Variants in PCCA observed in about 807,000 individuals in gnomAD.
The protein encoded by PCCA is propionyl-CoA carboxylase subunit alpha.
PCCA carries 74 observed loss-of-function variants against 101.3 expected under a neutral mutation model. The ratio of observed to expected loss-of-function variants is 0.73; its 90% confidence interval spans 0.61 to 0.89. The LOEUF is 0.89. PCCA is among the 40% of genes least tolerant of loss of function. The probability of loss-of-function intolerance (pLI) is 0.00; values close to 1 mark genes in which losing one functional copy is unlikely to be tolerated. For synonymous variants in PCCA, 294 were observed against 313.6 expected (o/e 0.94, Z 0.66); for missense variants, 891 against 907.0 (o/e 0.98, Z 0.23).
chr13:100,512,363 C>A (rs12100240), intron 21 of PCCA, among the ~76,000 whole-genome samples: 44,068 of 152,108 alleles, frequency 0.29, 6,752 homozygotes, highest in Middle Eastern at 0.4. Context: ...TCATTCAGTC[C>A]TTAGATAACA....
At chr13:100,332,072 G>A (rs778160137) in intron 17 of PCCA, among the ~76,000 whole-genome samples, 6 of 150,818 alleles carry the variant, frequency 4.0e-5, no homozygotes, top group Non-Finnish European at 7.4e-5. Flanking sequence ...CCAAGTAGTT[G>A]GGATTACAGG....
intron 6 of PCCA, among the ~76,000 whole-genome samples, chr13:100,176,748 T>G (rs2056271098): frequency 6.6e-6 from 1 of 152,216 alleles, no homozygotes; most frequent in Non-Finnish European, 1.5e-5. Context: ...TTAGTCACAG[T>G]TTAAGTCTTT....
At chr13:100,382,724 A>G (rs1001600924) in intron 19 of PCCA, among the ~76,000 whole-genome samples, 9 of 152,234 alleles carry the variant, frequency 5.9e-5, no homozygotes, top group Non-Finnish European at 1.2e-4. Flanking sequence ...CCAAGCAAGC[A>G]ATGAAAAATC....
intron 6 of PCCA, among the ~76,000 whole-genome samples, chr13:100,182,696 G>T (rs370275791): frequency 7.9e-5 from 12 of 152,098 alleles, no homozygotes; most frequent in African/African-American, 2.7e-4. Context: ...TCTGGCTTGC[G>T]GCCCTGTTGG....
chr13:100,230,114 G>C (rs773635017), intron 7 of PCCA, among the ~76,000 whole-genome samples: 1 of 152,228 alleles, frequency 6.6e-6, no homozygotes, highest in Non-Finnish European at 1.5e-5. Flanking sequence ...TGGGGATTTA[G>C]TAGAGAGTAA....
At chr13:100,359,295 G>T (rs939511076) in intron 18 of PCCA, among the ~76,000 whole-genome samples, 5 of 151,996 alleles carry the variant, frequency 3.3e-5, no homozygotes, top group African/African-American at 1.2e-4. Flanking sequence ...AAAGTTGTCT[G>T]TTTTTATCGT....
At chr13:100,478,351 T>C (rs1015216766) in intron 21 of PCCA, among the ~76,000 whole-genome samples, 9 of 152,138 alleles carry the variant, frequency 5.9e-5, no homozygotes, top group Non-Finnish European at 7.4e-5. Flanking sequence ...CCAGAGGAGT[T>C]TGGGGCTCTG....
chr13:100,400,729 G>A (rs908814960), intron 19 of PCCA, among the ~76,000 whole-genome samples: 6 of 146,696 alleles, frequency 4.1e-5, no homozygotes, highest in Non-Finnish European at 5.9e-5. Flanking sequence ...GGGTTCAAGC[G>A]ATTCTTCTGC....
chr13:100,272,415 A>G (rs974286829), intron 11 of PCCA, among the ~76,000 whole-genome samples: 2 of 152,166 alleles, frequency 1.3e-5, no homozygotes, highest in Admixed American at 6.5e-5. Flanking sequence ...TGAACTCACA[A>G]TCCTGGCCAA....
intron 20 of PCCA, among the ~76,000 whole-genome samples, chr13:100,429,788 G>A (rs1010193611): frequency 2.0e-4 from 31 of 151,720 alleles, no homozygotes; most frequent in African/African-American, 7.2e-4. Context: ...TGTATTTTTA[G>A]TAGAGATGAG....
At chr13:100,471,251 T>TA (rs1420549124) in intron 21 of PCCA, among the ~76,000 whole-genome samples, 3 of 152,134 alleles carry the variant, frequency 2.0e-5, no homozygotes, top group East Asian at 3.9e-4. Context: ...CAACGTTTAT[T>TA]ATAGTTTACC....
intron 16 of PCCA, among the ~76,000 whole-genome samples, chr13:100,323,402 A>G (rs1389718305): frequency 6.6e-6 from 1 of 151,742 alleles, no homozygotes; most frequent in African/African-American, 2.4e-5. Flanking sequence ...GCTCACTACA[A>G]CCTTCACCTC....
intron 21 of PCCA, among the ~76,000 whole-genome samples, chr13:100,475,354 A>G (rs1018375095): frequency 3.3e-5 from 5 of 152,104 alleles, no homozygotes; most frequent in African/African-American, 9.7e-5. Context: ...TGTGGTAGCC[A>G]CTGATCTACT....
chr13:100,191,655 C>G (rs1444252193), intron 6 of PCCA, among the ~76,000 whole-genome samples: 1 of 152,168 alleles, frequency 6.6e-6, no homozygotes, highest in Non-Finnish European at 1.5e-5. Context: ...AATTTAAAAT[C>G]CTGCCCAACA....
chr13:100,215,079 C>G (rs751708663), intron 7 of PCCA, among the ~76,000 whole-genome samples: 2 of 152,158 alleles, frequency 1.3e-5, no homozygotes, highest in Admixed American at 6.6e-5. Context: ...AACTTATGTG[C>G]TTAGTCATAT....
intron 6 of PCCA, 152 bp from the exon 7 acceptor site, chr13:100,209,180 A>G (rs2059053578): frequency 1.5e-6 from 1 of 651,830 alleles, no homozygotes. Context: ...TATATGCAAT[A>G]TAGTATTTTA....
At chr13:100,217,618 T>C (rs1330495066) in intron 7 of PCCA, among the ~76,000 whole-genome samples, 222 of 150,184 alleles carry the variant, frequency 1.5e-3, no homozygotes, top group African/African-American at 5.3e-3. Flanking sequence ...ATGAATATGC[T>C]TCTTAAAAAA....
chr13:100,095,746 T>A (rs936877491), intron 1 of PCCA, among the ~76,000 whole-genome samples: 10 of 152,038 alleles, frequency 6.6e-5, no homozygotes, highest in African/African-American at 2.4e-4. Flanking sequence ...GAGGGGGTGA[T>A]CTTAGGAGAT....
At chr13:100,491,935 A>G (rs889323873) in intron 21 of PCCA, 1 of 244,004 alleles carries the variant, frequency 4.1e-6, no homozygotes. Context: ...GACTCTAATG[A>G]TGCCGAATTG....
Sources: gnomAD v4.1 joint callset for allele counts (sites outside exome capture counted in the v4.1 genomes callset) on GRCh38, gnomAD v4.1.1 for gene constraint, MANE v1.5 for transcripts, NCBI Gene and HGNC (gene_info 2026-07-23, HGNC 2026-07-21) for gene names.